Variants in GNE observed in about 807,000 individuals in gnomAD.
The protein encoded by GNE is glucosamine (UDP-N-acetyl)-2-epimerase/N-acetylmannosamine kinase, also known as bifunctional UDP-N-acetylglucosamine 2-epimerase/N-acetylmannosamine kinase.
A neutral mutation model predicts 61.8 loss-of-function variants in GNE; 41 were observed. The observed-to-expected ratio is 0.66, with a 90% CI of 0.52 to 0.86. The LOEUF is 0.86. Ranked by LOEUF, GNE falls within the 40% of genes least tolerant of loss-of-function variation. The pLI is 0.00. For missense variants in GNE, 608 were observed against 909.1 expected (o/e 0.67, Z 4.26); for synonymous variants, 264 against 326.4 (o/e 0.81, Z 2.06).
Position 36,236,872 on chromosome 9 carries a change from A to G in GNE, c.729T>C (p.Phe243=). 1 of 1,613,786 alleles carries G rather than the reference A, an allele frequency of 6.2e-7. No homozygotes were observed. Among genetic ancestry groups the G allele is most frequent in the Non-Finnish European group, 8.5e-7 (1 of 1,179,664 alleles). The stretch of plus-strand genomic sequence containing the variant: ...GAAACAGGACTAGGGTCCGCTTGTT[A>G]AATGAGATAAGTGCATCCAATGTTA... The part of the protein sequence containing the change: ...FELTLDALIS[F]NKRTLVLFPN... Residue 243 remains phenylalanine, a synonymous_variant, in exon 4 of 12, where the codon TTT becomes TTC. Coordinates refer to ENST00000642385, the MANE Select transcript of GNE (RefSeq NM_005476.7).
At chr9:36,234,259 T>G in intron 4 of GNE, 127 bp from the exon 5 acceptor site, 1 of 750,352 alleles carries the variant, frequency 1.3e-6, no homozygotes, top group Non-Finnish European at 2.4e-6. Flanking sequence ...AGGGAAATAG[T>G]AATTTTAACT....
At chr9:36,275,687 GA>G (rs1050498656) in intron 1 of GNE, among the ~76,000 whole-genome samples, 1 of 152,056 alleles carries the variant, frequency 6.6e-6, no homozygotes, top group Admixed American at 6.6e-5. Flanking sequence ...TTGATGACAC[GA>G]GGAAAAAAAC....
intron 4 of GNE, among the ~76,000 whole-genome samples, chr9:36,236,580 A>G (rs1030603037): frequency 6.6e-6 from 1 of 152,236 alleles, no homozygotes; most frequent in Non-Finnish European, 1.5e-5. Context: ...GGAAAATATT[A>G]GTACTAAACA....
intron 3 of GNE, among the ~76,000 whole-genome samples, chr9:36,239,299 G>A (rs1829535575): frequency 6.6e-6 from 1 of 151,932 alleles, no homozygotes; most frequent in African/African-American, 2.4e-5. Flanking sequence ...GGATTGCATT[G>A]AATCTGTAGA....
intron 3 of GNE, among the ~76,000 whole-genome samples, chr9:36,241,354 A>T (rs1475765489): frequency 6.6e-6 from 1 of 152,228 alleles, no homozygotes; most frequent in East Asian, 1.9e-4. Context: ...TGACCTTGTG[A>T]TCTGCCCGCC....
chr9:36,272,833 G>A (rs923097591), intron 1 of GNE, among the ~76,000 whole-genome samples: 4 of 150,930 alleles, frequency 2.7e-5, no homozygotes, highest in Non-Finnish European at 4.4e-5. Context: ...CACTTTGGGA[G>A]GCCAAGGCGG....
intron 5 of GNE, among the ~76,000 whole-genome samples, chr9:36,231,726 ATT>A (rs1435107863): frequency 6.6e-6 from 1 of 152,178 alleles, no homozygotes; most frequent in Non-Finnish European, 1.5e-5. Flanking sequence ...CATTTAACTT[ATT>A]TCAGCCACTA....
At chr9:36,223,691 A>C (rs1242271632) in intron 7 of GNE, among the ~76,000 whole-genome samples, 189 bp from the exon 8 acceptor site, 1 of 151,680 alleles carries the variant, frequency 6.6e-6, no homozygotes. Context: ...AGTTCCTGTA[A>C]TCTGTCCTAA....
upstream of GNE, among the ~76,000 whole-genome samples, chr9:36,261,934 AAAAAG>A (rs1490471284): frequency 3.9e-5 from 6 of 151,966 alleles, no homozygotes; most frequent in African/African-American, 9.7e-5. Flanking sequence ...AAAAAAAAAA[AAAAAG>A]AAAGTCACTT....
rs1040180335 is a variant in GNE at position 36,240,786 on chromosome 9, T to C, written c.617-3802A>G. The stretch of plus-strand genomic sequence containing the variant: ...GCTGTGAATCCATCTGGTCATGGAA[T>C]TTTTTTTGTTGGTAATTTTTAAATT... On this transcript the variant is annotated intron_variant, in intron 3 of 11. Transcript: ENST00000642385. Among the ~76,000 whole-genome samples, 6 of 152,170 alleles carry C rather than the reference T, an allele frequency of 3.9e-5. No individual in the cohort carries two copies. The East Asian group carries it at 1.2e-3, about 29-fold the overall frequency.
rs767519361 is a variant in GNE, at chr9:36,246,039, A to T, written c.608T>A (p.Met203Lys). Residue 203 changes from methionine (M) to lysine (K), a missense_variant, in exon 3 of 12, where the codon ATG becomes AAG. Coordinates refer to ENST00000642385, the MANE Select transcript of GNE (RefSeq NM_005476.7). Reference sequence around the variant, plus strand: ...AAGTCTGAGATACGTACCTAGCCACATGCGAATGATGCTCATGTAGTCTTT... The same window carrying T: ...AAGTCTGAGATACGTACCTAGCCACTTGCGAATGATGCTCATGTAGTCTTT... ...KNKDYMSIIR[M>K]WLGDDVKSKD... The T allele has an allele frequency of 1.2e-6, 2 of 1,613,582 alleles. No homozygotes were observed. The highest frequency in any genetic ancestry group is 1.7e-6 in the Non-Finnish European group (2 of 1,179,570).
rs1157107103 is a variant in GNE, at chr9:36,246,192, T to G, written c.455A>C (p.Lys152Thr). Residue 152 changes from lysine to threonine, a missense_variant, in exon 3 of 12, where the codon AAA becomes ACA. Transcript: ENST00000642385. ...GCAGCACACATGATAATGAGCCAGTTTTGTTATGGCATGTCTGATAGAGTC... is the reference window on the plus strand; with the variant it reads ...GCAGCACACATGATAATGAGCCAGTGTTGTTATGGCATGTCTGATAGAGTC... ...IDDSIRHAIT[K>T]LAHYHVCCTR... The G allele has an allele frequency of 6.2e-7, 1 of 1,614,106 alleles. No individual in the cohort carries two copies. Among genetic ancestry groups the G allele is most frequent in the African/African-American group, 1.3e-5 (1 of 74,936 alleles).
intron 7 of GNE, among the ~76,000 whole-genome samples, chr9:36,226,339 ATT>A (rs35541515): frequency 2.1e-5 from 3 of 141,260 alleles, no homozygotes; most frequent in African/African-American, 7.8e-5. Flanking sequence ...TGCCCAGCTA[ATT>A]TTTTTTTTTT....
intron 1 of GNE, among the ~76,000 whole-genome samples, chr9:36,264,496 C>T (rs930944197): frequency 2.6e-5 from 4 of 152,126 alleles, no homozygotes; most frequent in Non-Finnish European, 5.9e-5. Flanking sequence ...AACAGTAAAA[C>T]TGTGAGCCAG....
chr9:36,256,239 C>CTTTT (rs34215482), intron 1 of GNE, among the ~76,000 whole-genome samples: 2 of 55,990 alleles, frequency 3.6e-5, no homozygotes, highest in African/African-American at 1.4e-4. Flanking sequence ...AAACCCAATT[C>CTTTT]TTTTTTTTTT....
At chr9:36,230,962 G>T (rs1023778652) in intron 5 of GNE, among the ~76,000 whole-genome samples, 2 of 149,316 alleles carry the variant, frequency 1.3e-5, no homozygotes, top group Non-Finnish European at 3.0e-5. Flanking sequence ...ACTAGAAACA[G>T]AATTTTTAGC....
upstream of GNE, chr9:36,263,345 AT>A: frequency 9.3e-6 from 2 of 215,452 alleles, no homozygotes; most frequent in South Asian, 5.0e-5. Flanking sequence ...TAATTTTTGT[AT>A]TTTTAGTAGA....
At chr9:36,248,949 G>A (rs1219340373) in intron 2 of GNE, among the ~76,000 whole-genome samples, 4 of 152,022 alleles carry the variant, frequency 2.6e-5, no homozygotes, top group South Asian at 2.1e-4. Context: ...TCTACTAAGC[G>A]GCATCATTGT....
chr9:36,248,076 A>G (rs1829970353), intron 2 of GNE, among the ~76,000 whole-genome samples: 1 of 151,172 alleles, frequency 6.6e-6, no homozygotes. Flanking sequence ...CTATCCATTA[A>G]GTTTCTTCTC....
Sources: gnomAD v4.1 joint callset for allele counts (sites outside exome capture counted in the v4.1 genomes callset) on GRCh38, gnomAD v4.1.1 for gene constraint, MANE v1.5 for transcripts, NCBI Gene and HGNC (gene_info 2026-07-23, HGNC 2026-07-21) for gene names.